The following PKIA variants were observed in gnomAD, a reference collection of about 807,000 sequenced individuals.
PKIA encodes cAMP-dependent protein kinase inhibitor alpha.
A neutral mutation model predicts 7.6 loss-of-function variants in PKIA; 4 were observed. The observed-to-expected ratio is 0.52, with a 90% confidence interval of 0.26 to 1.20. The LOEUF (loss-of-function observed/expected upper bound fraction) is 1.20. PKIA is among the 50% of genes most tolerant of loss of function. The probability of loss-of-function intolerance (pLI) is 0.13; values close to 1 mark genes in which losing one functional copy is unlikely to be tolerated. For missense variants in PKIA, 73 were observed against 86.2 expected (o/e 0.85, Z 0.61); for synonymous variants, 21 against 30.7 (o/e 0.68, Z 1.04).
intron 1 of PKIA, among the ~76,000 whole-genome samples, chr8:78,570,853 A>C (rs1396564814): frequency 2.6e-5 from 4 of 151,940 alleles, no homozygotes; most frequent in Non-Finnish European, 5.9e-5. Context: ...TCAAAAATTT[A>C]CCTCTCCTTC....
chr8:78,516,799 C>T (rs1251756891), intron 1 of PKIA, among the ~76,000 whole-genome samples: 1 of 152,162 alleles, frequency 6.6e-6, no homozygotes, highest in Non-Finnish European at 1.5e-5. Flanking sequence ...CTTTTACCTT[C>T]GCTTGAGTAT....
At chr8:78,551,662 CTAA>C (rs1443021156) in intron 1 of PKIA, among the ~76,000 whole-genome samples, 1 of 151,908 alleles carries the variant, frequency 6.6e-6, no homozygotes, top group Non-Finnish European at 1.5e-5. Flanking sequence ...ATAAAAATGG[CTAA>C]TGTTTTGGGG....
chr8:78,543,221 A>G (rs898958122), intron 1 of PKIA, among the ~76,000 whole-genome samples: 3 of 152,184 alleles, frequency 2.0e-5, no homozygotes, highest in South Asian at 2.1e-4. Flanking sequence ...TGCTTGGATC[A>G]AATTGTTCAG....
intron 1 of PKIA, among the ~76,000 whole-genome samples, chr8:78,566,138 C>T (rs1456017100): frequency 2.0e-5 from 3 of 151,876 alleles, no homozygotes; most frequent in African/African-American, 2.4e-5. Flanking sequence ...ACAAAGGAAA[C>T]GTGTAAAAAT....
At chr8:78,520,048 G>A (rs921657745) in intron 1 of PKIA, among the ~76,000 whole-genome samples, 1 of 152,078 alleles carries the variant, frequency 6.6e-6, no homozygotes. Context: ...TGAAAGCAGG[G>A]TCTGGGAATA....
Position 78,566,680 on chromosome 8 carries a change from C to A in PKIA, c.-156-6131C>A, listed in dbSNP as rs190871398. Among the ~76,000 whole-genome samples, 28 of 152,170 alleles carry A rather than the reference C, an allele frequency of 1.8e-4. No individual in the cohort carries two copies. The East Asian group carries it at 5.4e-3, about 29-fold the overall frequency. On this transcript the variant is annotated intron_variant, in intron 1 of 3. Transcript: ENST00000396418. ...AAAAAGGCTTTATAGGCAGAAATAA[C>A]AATACATCATTCTGAAAACATAAAA...
chr8:78,536,109 G>A (rs1806514786), intron 1 of PKIA: 1 of 151,892 alleles, frequency 6.6e-6, no homozygotes, highest in Non-Finnish European at 1.5e-5. Flanking sequence ...TAAAAAACAA[G>A]ACCAAAAAAA....
At chr8:78,594,502 A>C (rs762169068) in intron 2 of PKIA, among the ~76,000 whole-genome samples, 2 of 152,204 alleles carry the variant, frequency 1.3e-5, no homozygotes. Context: ...CACTTACTGC[A>C]GCATTTTGGA....
intron 1 of PKIA, among the ~76,000 whole-genome samples, chr8:78,539,957 T>C (rs1365677661): frequency 6.6e-6 from 1 of 151,994 alleles, no homozygotes; most frequent in Non-Finnish European, 1.5e-5. Context: ...TGAGGATAGA[T>C]TGCTAGATAA....
intron 1 of PKIA, among the ~76,000 whole-genome samples, chr8:78,553,825 G>A (rs1472089997): frequency 6.6e-6 from 1 of 151,162 alleles, no homozygotes; most frequent in Non-Finnish European, 1.5e-5. Context: ...CACCACAAAA[G>A]GTCATCCTTA....
intron 1 of PKIA, among the ~76,000 whole-genome samples, chr8:78,548,088 A>G: frequency 6.6e-6 from 1 of 152,236 alleles, no homozygotes; most frequent in Non-Finnish European, 1.5e-5. Flanking sequence ...ATATTAGAAT[A>G]ACAGTATTAT....
chr8:78,590,725 T>C (rs1405900472), intron 2 of PKIA, among the ~76,000 whole-genome samples: 2 of 152,208 alleles, frequency 1.3e-5, no homozygotes, highest in Admixed American at 1.3e-4. Flanking sequence ...ATTCATAGTA[T>C]TTGAGGTGAA....
In PKIA at chr8:78,549,997, T is replaced by C. The variant is rs1455229378; in HGVS notation, c.-156-22814T>C. 4.6e-5 allele frequency among the ~76,000 whole-genome samples: 7 copies of C among 152,204 alleles called. No homozygotes were observed. In the East Asian group the frequency reaches 9.7e-4, roughly 21 times the overall value. On this transcript the variant is annotated intron_variant, in intron 1 of 3. Transcript: ENST00000396418. Reference sequence around the variant, plus strand: ...TACAATGACAAAATGCTAGGTATCATTGAGTAGAACATTAGGCAAAGATCC... The same window carrying C: ...TACAATGACAAAATGCTAGGTATCACTGAGTAGAACATTAGGCAAAGATCC...
In PKIA at chr8:78,571,873, C is replaced by T. The variant is rs556593946; in HGVS notation, c.-156-938C>T. ...TGCTGAGGGCTGGCTCATTGTCTGTCGCTCCTAGATTCTAATGTTTTCAAT... is the reference window on the plus strand; with the variant it reads ...TGCTGAGGGCTGGCTCATTGTCTGTTGCTCCTAGATTCTAATGTTTTCAAT... On this transcript the variant is annotated intron_variant, in intron 1 of 3. Transcript: ENST00000396418. 8.5e-5 allele frequency among the ~76,000 whole-genome samples: 13 copies of T among 152,060 alleles called. 1 individual carries two copies. The East Asian group carries it at 1.6e-3, about 18-fold the overall frequency.
intron 1 of PKIA, among the ~76,000 whole-genome samples, chr8:78,537,423 G>A (rs1019031456): frequency 5.3e-5 from 8 of 151,918 alleles, no homozygotes; most frequent in South Asian, 4.2e-4. Context: ...TTTAAGAGGT[G>A]GAAAGCCACA....
At chr8:78,577,829 A>G (rs1017081358) in intron 2 of PKIA, among the ~76,000 whole-genome samples, 3 of 152,022 alleles carry the variant, frequency 2.0e-5, no homozygotes, top group Admixed American at 6.6e-5. Context: ...TGCTAGTCCC[A>G]TGATGGCTGT....
At chr8:78,556,657 A>C (rs912424874) in intron 1 of PKIA, 2 of 152,074 alleles carry the variant, frequency 1.3e-5, no homozygotes, top group Admixed American at 1.3e-4. Context: ...AATTCTTTTT[A>C]ATTTTTGAGA....
At chr8:78,532,090 G>T (rs1233609225) in intron 1 of PKIA, among the ~76,000 whole-genome samples, 5 of 151,968 alleles carry the variant, frequency 3.3e-5, no homozygotes, top group African/African-American at 1.2e-4. Context: ...GTAAACTTGT[G>T]TCATGGGGGT....
In PKIA at chr8:78,544,912, AC is replaced by A. The variant is rs1806783516; in HGVS notation, c.-156-27898del. Among the ~76,000 whole-genome samples the A allele has an allele frequency of 2.6e-5, 4 of 152,198 alleles. No individual in the cohort carries two copies. In the South Asian group the frequency reaches 8.3e-4, roughly 31 times the overall value. On this transcript the variant is annotated intron_variant, in intron 1 of 3. Transcript: ENST00000396418. ...TATTTGTAATAAGGAAAAAGTAAAT[AC>A]ACATTAAATAGCCAGTAATAGAGGC...
Sources: gnomAD v4.1 joint callset for allele counts (sites outside exome capture counted in the v4.1 genomes callset) on GRCh38, gnomAD v4.1.1 for gene constraint, MANE v1.5 for transcripts, NCBI Gene and HGNC (gene_info 2026-07-23, HGNC 2026-07-21) for gene names.